The following PABPC4L variants were observed in gnomAD, a reference collection of about 807,000 sequenced individuals.
PABPC4L encodes polyadenylate-binding protein 4-like.
For missense variants in PABPC4L, 452 were observed against 451.4 expected (o/e 1.00, Z -0.01); for synonymous variants, 169 against 164.1 (o/e 1.03, Z -0.23).
chr4:134,194,198 A>G (rs1305113819), downstream of PABPC4L, among the ~76,000 whole-genome samples: 3 of 152,036 alleles, frequency 2.0e-5, no homozygotes, highest in East Asian at 5.8e-4. Flanking sequence ...ATGCTAGTAA[A>G]GTAGAGAGGG....
In PABPC4L at chr4:134,200,912, C is replaced by G; in HGVS notation, c.108G>C (p.Val36=). ...GGTCCCTGCAAATGCGGATGGACAG[C>G]ACAGGCCCCACAGTGCTGAACTTCC... ...LFRKFSTVGP[V]LSIRICRDQV... Residue 36 remains valine (V), a synonymous_variant, in exon 2 of 2, where the codon GTG becomes GTC. Coordinates refer to ENST00000421491, the MANE Select transcript of PABPC4L (RefSeq NM_001114734.2). 1.3e-6 allele frequency: 2 copies of G among 1,560,734 alleles called. No individual in the cohort carries two copies. The highest frequency in any genetic ancestry group is 2.4e-5 in the South Asian group (2 of 84,576).
downstream of PABPC4L, among the ~76,000 whole-genome samples, chr4:134,195,080 T>C (rs1729619356): frequency 6.6e-6 from 1 of 151,700 alleles, no homozygotes; most frequent in Admixed American, 6.6e-5. Context: ...AAACTATATA[T>C]AAAATGTTAG....
At chr4:134,133,352 C>T in the PABPC4L span, among the ~76,000 whole-genome samples, 1 of 137,816 alleles carries the variant, frequency 7.3e-6, no homozygotes, top group Non-Finnish European at 1.5e-5. Flanking sequence ...ATAACCATAT[C>T]TTATATATAA....
chr4:133,979,539 A>G, the PABPC4L span, among the ~76,000 whole-genome samples: 1 of 152,096 alleles, frequency 6.6e-6, no homozygotes, highest in Admixed American at 6.6e-5. Flanking sequence ...TCACTATAGG[A>G]CTGTGCATCG....
At chr4:134,149,258 G>A in the PABPC4L span, among the ~76,000 whole-genome samples, 1 of 152,070 alleles carries the variant, frequency 6.6e-6, no homozygotes, top group Non-Finnish European at 1.5e-5. Context: ...AGTTAAACAG[G>A]CAAAGAAGAC....
the PABPC4L span, among the ~76,000 whole-genome samples, chr4:134,119,101 T>C: frequency 6.6e-6 from 1 of 151,790 alleles, no homozygotes; most frequent in Non-Finnish European, 1.5e-5. Flanking sequence ...TATATGCTTA[T>C]GAAATTTGAT....
At chr4:134,001,408 C>T in the PABPC4L span, among the ~76,000 whole-genome samples, 3 of 151,962 alleles carry the variant, frequency 2.0e-5, no homozygotes, top group Admixed American at 6.6e-5. Context: ...CTTTATTTTG[C>T]CGTAATTAGT....
At chr4:134,050,171 T>A in the PABPC4L span, among the ~76,000 whole-genome samples, 1 of 152,102 alleles carries the variant, frequency 6.6e-6, no homozygotes, top group Non-Finnish European at 1.5e-5. Flanking sequence ...TTTTTCAACA[T>A]CATGGGTTTG....
At chr4:134,031,298 G>GT in the PABPC4L span, among the ~76,000 whole-genome samples, 95 of 151,548 alleles carry the variant, frequency 6.3e-4, no homozygotes, top group African/African-American at 2.2e-3. Context: ...ATTTGTTTTT[G>GT]TTTTTTTAGT....
the PABPC4L span, among the ~76,000 whole-genome samples, chr4:134,096,869 G>T: frequency 0.013 from 1,944 of 151,986 alleles, 44 homozygotes; most frequent in African/African-American, 0.041. Context: ...ATATTCTTAT[G>T]CAGATTATGT....
chr4:133,957,298 G>A, the PABPC4L span, among the ~76,000 whole-genome samples: 3 of 152,254 alleles, frequency 2.0e-5, no homozygotes, highest in South Asian at 2.1e-4. Context: ...ATGCTAGTCC[G>A]AAATCTAGTG....
At chr4:134,050,769 G>A in the PABPC4L span, among the ~76,000 whole-genome samples, 3 of 139,896 alleles carry the variant, frequency 2.1e-5, no homozygotes, top group African/African-American at 8.1e-5. Flanking sequence ...TGAAACATAA[G>A]TACATAATAA....
At chr4:134,088,869 T>C in the PABPC4L span, among the ~76,000 whole-genome samples, 1 of 152,142 alleles carries the variant, frequency 6.6e-6, no homozygotes, top group Admixed American at 6.6e-5. Context: ...AAATCTTTAT[T>C]ACATAGGCTT....
the PABPC4L span, among the ~76,000 whole-genome samples, chr4:134,154,694 T>C: frequency 1.3e-5 from 2 of 152,042 alleles, no homozygotes; most frequent in Non-Finnish European, 2.9e-5. Context: ...TTGTACTTTA[T>C]ATATAAAAGA....
the PABPC4L span, among the ~76,000 whole-genome samples, chr4:134,056,105 T>TA: frequency 1.6e-4 from 24 of 151,366 alleles, no homozygotes; most frequent in South Asian, 4.2e-4. Context: ...TGCACCTTTG[T>TA]AAAAAAAAAT....
the PABPC4L span, among the ~76,000 whole-genome samples, chr4:134,014,816 G>A: frequency 6.6e-6 from 1 of 151,928 alleles, no homozygotes; most frequent in African/African-American, 2.4e-5. Flanking sequence ...CATAACTGTT[G>A]TGGGTATTGA....
At chr4:134,107,134 CT>C in the PABPC4L span, among the ~76,000 whole-genome samples, 1 of 150,378 alleles carries the variant, frequency 6.6e-6, no homozygotes, top group African/African-American at 2.4e-5. Flanking sequence ...TTTTTTTTTC[CT>C]TTTTGTTTCA....
At chr4:134,076,449 G>A in the PABPC4L span, among the ~76,000 whole-genome samples, 1 of 152,206 alleles carries the variant, frequency 6.6e-6, no homozygotes, top group Admixed American at 6.5e-5. Flanking sequence ...AGTGAAGATG[G>A]GAACATCTTC....
chr4:134,135,519 G>T, the PABPC4L span, among the ~76,000 whole-genome samples: 2 of 151,800 alleles, frequency 1.3e-5, no homozygotes, highest in African/African-American at 4.8e-5. Flanking sequence ...ACTAATTTTT[G>T]AAAAAAATTT....
Sources: gnomAD v4.1 joint callset for allele counts (sites outside exome capture counted in the v4.1 genomes callset) on GRCh38, gnomAD v4.1.1 for gene constraint, MANE v1.5 for transcripts, NCBI Gene and HGNC (gene_info 2026-07-23, HGNC 2026-07-21) for gene names.